The following SPRR2F variants were observed in gnomAD, a reference collection of about 807,000 sequenced individuals.
SPRR2F encodes small proline rich protein 2F, also known as small proline-rich protein 2F.
A neutral mutation model predicts 0.8 loss-of-function variants in SPRR2F; 2 were observed. That is an observed-to-expected ratio of 2.52 (90% CI 1.03 to 7.95). SPRR2F has a LOEUF of 7.95. SPRR2F is among the 30% of genes most tolerant of loss of function. The pLI, the probability that SPRR2F is intolerant of heterozygous loss-of-function variation, is 0.04. For missense variants in SPRR2F, 80 were observed against 85.8 expected, an observed-to-expected ratio of 0.93 and a Z score of 0.27; for synonymous variants, 39 against 33.4, an observed-to-expected ratio of 1.17 and a Z score of -0.58.
upstream of SPRR2F, among the ~76,000 whole-genome samples, chr1:153,117,705 G>C (rs553450322): frequency 6.6e-5 from 10 of 152,028 alleles, no homozygotes; most frequent in Non-Finnish European, 1.2e-4. Flanking sequence ...AGATGATTTT[G>C]TATGCTTTGT....
chr1:153,112,579 T>A lies in SPRR2F; in HGVS notation c.155A>T (p.Gln52Leu), dbSNP rs950571123. The change falls in exon 2 of 2, where the codon CAG becomes CTG. Residue 52 changes from glutamine to leucine, a missense_variant. Gln to Leu is a moderately radical substitution (Grantham distance 113). Transcript: ENST00000468739. ...GGAAGGTGTCACAGGAGGACATTTC[T>A]GCTGGCACTGCTGAGGTGGGCAGGA... Reference protein sequence around the residue: ...PQSCPPQQCQQKCPPVTPSPP... With the variant: ...PQSCPPQQCQLKCPPVTPSPP... 3.7e-6 allele frequency: 6 copies of A among 1,613,038 alleles called. No homozygotes were observed. The highest frequency in any genetic ancestry group is 1.1e-5 in the South Asian group (1 of 91,020).
chr1:153,117,171 T>G (rs1411330089), upstream of SPRR2F, among the ~76,000 whole-genome samples: 3 of 152,072 alleles, frequency 2.0e-5, no homozygotes, highest in South Asian at 6.2e-4. Flanking sequence ...AATGAAAATA[T>G]TTTATTTGAA....
upstream of SPRR2F, among the ~76,000 whole-genome samples, chr1:153,114,545 A>G (rs949746526): frequency 1.3e-5 from 2 of 152,212 alleles, no homozygotes; most frequent in Admixed American, 6.5e-5. Flanking sequence ...GGAGATGGTC[A>G]GCGCACCTAA....
chr1:153,117,232 G>T (rs1443976977), upstream of SPRR2F, among the ~76,000 whole-genome samples: 1 of 152,034 alleles, frequency 6.6e-6, no homozygotes, highest in Non-Finnish European at 1.5e-5. Context: ...TTACTCTTAT[G>T]TGGTGAAAAT....
Position 153,112,612 on chromosome 1 carries a change from C to T in SPRR2F, c.122G>A (p.Cys41Tyr). ...CTGCTGAGGTGGGCAGGACTGTGGA[C>T]ACTTTGATGGTGGGCAGGGCTCAGG... ...KCPEPCPPSK[C>Y]PQSCPPQQCQ... is the part of the protein sequence containing the mutation. Residue 41 changes from cysteine (C) to tyrosine (Y), a missense_variant, in exon 2 of 2, where the codon TGT (cysteine) becomes TAT (tyrosine). Coordinates refer to ENST00000468739, the MANE Select transcript of SPRR2F (RefSeq NM_001014450.3). 1 of 1,612,726 alleles carries T rather than the reference C, an allele frequency of 6.2e-7. No individual in the cohort carries two copies. Among genetic ancestry groups the T allele is most frequent in the Non-Finnish European group, 8.5e-7 (1 of 1,179,838 alleles).
intron 1 of SPRR2F, among the ~76,000 whole-genome samples, chr1:153,113,018 TA>T (rs1655636592): frequency 6.6e-6 from 1 of 152,100 alleles, no homozygotes; most frequent in South Asian, 2.1e-4. Context: ...TCTATGAAAA[TA>T]ACATCTTCAA....
the SPRR2F span, among the ~76,000 whole-genome samples, chr1:153,118,685 C>T: frequency 1.3e-5 from 2 of 152,230 alleles, no homozygotes; most frequent in South Asian, 4.1e-4. Context: ...CGGTTCATTG[C>T]TCCTAGATTT....
At chr1:153,113,665 A>G (rs904155380), upstream of SPRR2F, 1 of 152,166 alleles carries the variant, frequency 6.6e-6, no homozygotes, top group African/African-American at 2.4e-5. Context: ...CAAACTAGGA[A>G]ATATCCTGTT....
At chr1:153,114,845 T>C (rs1156805369), upstream of SPRR2F, among the ~76,000 whole-genome samples, 3 of 152,298 alleles carry the variant, frequency 2.0e-5, no homozygotes, top group East Asian at 5.8e-4. Context: ...TTCCAGCAAT[T>C]AGTGAGGCTT....
At chr1:153,114,832 C>T (rs545291746), upstream of SPRR2F, among the ~76,000 whole-genome samples, 2 of 152,290 alleles carry the variant, frequency 1.3e-5, no homozygotes, top group Admixed American at 1.3e-4. Flanking sequence ...CTTTTGTAAA[C>T]TCTTCCAGCA....
the SPRR2F span, among the ~76,000 whole-genome samples, chr1:153,119,221 T>A: frequency 2.0e-5 from 3 of 152,200 alleles, no homozygotes; most frequent in African/African-American, 7.2e-5. Context: ...AAGGAAGACC[T>A]TCGTCATCAA....
At chr1:153,114,422 A>C (rs1164280680), upstream of SPRR2F, among the ~76,000 whole-genome samples, 2 of 152,202 alleles carry the variant, frequency 1.3e-5, no homozygotes, top group Non-Finnish European at 2.9e-5. Context: ...GCATTCATTC[A>C]AAATCTATGT....
upstream of SPRR2F, among the ~76,000 whole-genome samples, chr1:153,115,791 C>T (rs1482456416): frequency 1.3e-5 from 2 of 152,146 alleles, no homozygotes; most frequent in African/African-American, 4.8e-5. Flanking sequence ...TATCTCTCCA[C>T]ATATATAAAG....
At chr1:153,116,403 CTTA>C (rs1264519888), upstream of SPRR2F, among the ~76,000 whole-genome samples, 1 of 151,984 alleles carries the variant, frequency 6.6e-6, no homozygotes, top group Non-Finnish European at 1.5e-5. Context: ...TTTTTATTTT[CTTA>C]TTTTCCTTTT....
the SPRR2F span, among the ~76,000 whole-genome samples, chr1:153,118,730 T>G: frequency 6.6e-6 from 1 of 152,166 alleles, no homozygotes; most frequent in Non-Finnish European, 1.5e-5. Context: ...GCCTTTTGAT[T>G]TGAAGTAAAA....
the SPRR2F span, among the ~76,000 whole-genome samples, chr1:153,119,292 A>T: frequency 2.0e-5 from 3 of 152,168 alleles, no homozygotes; most frequent in African/African-American, 7.2e-5. Context: ...ACAAACAGAG[A>T]TTGGTGGAAT....
upstream of SPRR2F, among the ~76,000 whole-genome samples, chr1:153,117,299 G>C (rs568695334): frequency 3.2e-4 from 49 of 152,060 alleles, no homozygotes; most frequent in African/African-American, 1.1e-3. Flanking sequence ...TAATTTAATT[G>C]TTCTTAGTTA....
upstream of SPRR2F, among the ~76,000 whole-genome samples, chr1:153,118,445 GA>G (rs1655761392): frequency 6.6e-6 from 1 of 152,052 alleles, no homozygotes; most frequent in Non-Finnish European, 1.5e-5. Flanking sequence ...AACTATCAAA[GA>G]GAGAATATTC....
At chr1:153,114,876 T>C (rs1296603330), upstream of SPRR2F, among the ~76,000 whole-genome samples, 2 of 152,218 alleles carry the variant, frequency 1.3e-5, no homozygotes. Context: ...GTATATTAAA[T>C]ATTTAAGTTG....
Sources: gnomAD v4.1 joint callset for allele counts (sites outside exome capture counted in the v4.1 genomes callset) on GRCh38, gnomAD v4.1.1 for gene constraint, MANE v1.5 for transcripts, NCBI Gene and HGNC (gene_info 2026-07-23, HGNC 2026-07-21) for gene names.